The following TRPM6 variants were observed in gnomAD, a reference collection of about 807,000 sequenced individuals.
The protein encoded by TRPM6 is transient receptor potential cation channel subfamily M member 6, also known as channel kinase 2.
Under a neutral mutation model 247.6 loss-of-function variants are expected in TRPM6, and 111 were observed. The observed-to-expected ratio is 0.45, with a 90% CI of 0.38 to 0.52. TRPM6 has a LOEUF of 0.52. TRPM6 is among the 20% of genes least tolerant of loss of function. The pLI, the probability that TRPM6 is intolerant of heterozygous loss-of-function variation, is 0.00. For missense variants in TRPM6, 2,126 were observed against 2,421.5 expected, an observed-to-expected ratio of 0.88 and a Z score of 2.56; for synonymous variants, 892 against 853.8, an observed-to-expected ratio of 1.04 and a Z score of -0.78.
At chr9:74,799,291 T>A (rs1564019901) in intron 17 of TRPM6, among the ~76,000 whole-genome samples, 1 of 152,180 alleles carries the variant, frequency 6.6e-6, no homozygotes, top group East Asian at 1.9e-4. Context: ...TAGTTCTTAA[T>A]AGTCACTCTT....
chr9:74,759,696 A>G (rs1012465874), intron 27 of TRPM6, among the ~76,000 whole-genome samples: 1 of 152,146 alleles, frequency 6.6e-6, no homozygotes, highest in Non-Finnish European at 1.5e-5. Context: ...AAACATGAGA[A>G]TAAGTCTTAG....
At chr9:74,766,282 G>T (rs908197636) in intron 25 of TRPM6, among the ~76,000 whole-genome samples, 1 of 152,156 alleles carries the variant, frequency 6.6e-6, no homozygotes, top group African/African-American at 2.4e-5. Flanking sequence ...TTGATGTCCC[G>T]TGAAACATAT....
intron 25 of TRPM6, among the ~76,000 whole-genome samples, chr9:74,766,160 C>T (rs1826818832): frequency 6.6e-6 from 1 of 152,164 alleles, no homozygotes; most frequent in East Asian, 1.9e-4. Flanking sequence ...ACAATAGAAA[C>T]CAGCAACTAT....
chr9:74,782,626 C>T, intron 22 of TRPM6, 53 bp downstream of exon 22: 1 of 1,590,820 alleles, frequency 6.3e-7, no homozygotes. Context: ...GTATTTTACT[C>T]TTGTTAACTA....
At chr9:74,740,657 T>G (rs949837345) in intron 33 of TRPM6, among the ~76,000 whole-genome samples, 1 of 152,206 alleles carries the variant, frequency 6.6e-6, no homozygotes, top group Non-Finnish European at 1.5e-5. Context: ...GTTTTGACAG[T>G]GTCTTGACTC....
At chr9:74,832,880 GTC>G (rs2118114383) in intron 6 of TRPM6, among the ~76,000 whole-genome samples, 1 of 152,094 alleles carries the variant, frequency 6.6e-6, no homozygotes, top group South Asian at 2.1e-4. Context: ...GTGAAACCCT[GTC>G]TCTACTAAAA....
At chr9:74,726,907 G>A (rs909670745) in intron 38 of TRPM6, among the ~76,000 whole-genome samples, 5 of 152,190 alleles carry the variant, frequency 3.3e-5, no homozygotes, top group African/African-American at 1.2e-4. Context: ...GGGCAGCTTG[G>A]CTGTGCACTA....
At chr9:74,776,736 G>C (rs568146057) in intron 23 of TRPM6, among the ~76,000 whole-genome samples, 1 of 152,232 alleles carries the variant, frequency 6.6e-6, no homozygotes, top group Middle Eastern at 3.4e-3. Context: ...CAGTTATTCT[G>C]AAACAATATA....
intron 1 of TRPM6, among the ~76,000 whole-genome samples, chr9:74,866,465 G>T (rs971274247): frequency 1.3e-5 from 2 of 151,796 alleles, no homozygotes; most frequent in Admixed American, 1.3e-4. Flanking sequence ...TGATTTTTTT[G>T]GGGGGGTTTT....
chr9:74,827,907 G>A lies in TRPM6; in HGVS notation c.712C>T (p.Leu238Phe), dbSNP rs775971639. 6.2e-7 allele frequency: 1 copy of A among 1,614,116 alleles called. No homozygotes were observed. The highest frequency in any genetic ancestry group is 2.2e-5 in the East Asian group (1 of 44,872). The change falls in exon 7 of 39, where the codon CTC becomes TTC. Residue 238 changes from leucine to phenylalanine, a missense_variant. Transcript: ENST00000360774. The part of the protein sequence containing the change: ...YQTLDNPLSK[L>F]TTLNSMHSHF... Reference sequence around the variant, plus strand: ...GAGTGCATGCTGTTGAGTGTTGTGAGCTTGCTGAGGGGGTTATCCAGAGTC... The same window carrying A: ...GAGTGCATGCTGTTGAGTGTTGTGAACTTGCTGAGGGGGTTATCCAGAGTC...
chr9:74,766,506 C>G (rs1028085870), intron 25 of TRPM6, among the ~76,000 whole-genome samples: 1 of 152,206 alleles, frequency 6.6e-6, no homozygotes, highest in African/African-American at 2.4e-5. Flanking sequence ...ACCATATTCA[C>G]TGAGTGCTCA....
intron 2 of TRPM6, among the ~76,000 whole-genome samples, chr9:74,858,286 T>C (rs11144118): frequency 0.59 from 88,973 of 152,028 alleles, 26,298 homozygotes; most frequent in East Asian, 0.78. Flanking sequence ...ACTCGGGAGG[T>C]TGAGGCAGGA....
chr9:74,792,683 A>G lies in TRPM6; in HGVS notation c.2479T>C (p.Trp827Arg). 6.2e-7 allele frequency: 1 copy of G among 1,614,088 alleles called. No homozygotes were observed. Among genetic ancestry groups the G allele is most frequent in the Non-Finnish European group, 8.5e-7 (1 of 1,179,962 alleles). Residue 827 changes from tryptophan to arginine, a missense_variant, in exon 19 of 39, where the codon TGG becomes CGG. By Grantham distance (101) the Trp-to-Arg change is moderately radical. Coordinates refer to ENST00000360774, the MANE Select transcript of TRPM6 (RefSeq NM_017662.5). ...GLESGHQHLPWTRKVYEFYSA... is the reference protein window; with the variant it reads ...GLESGHQHLPRTRKVYEFYSA... ...TAGAACTCATAGACTTTCCTGGTCC[A>G]CGGAAGGTGTTGGTGCCCACTTTCC...
rs17060497 is a variant in TRPM6, at chr9:74,796,474, T to C, written c.2391+267A>G. On this transcript the variant is annotated intron_variant, in intron 18 of 38. Coordinates refer to ENST00000360774, the MANE Select transcript of TRPM6 (RefSeq NM_017662.5). Reference sequence around the variant, plus strand: ...TTGAAGTAGAAATAGAATATTTTGCTTAATTGTGTACAGGGCTTAATTAGT... The same window carrying C: ...TTGAAGTAGAAATAGAATATTTTGCCTAATTGTGTACAGGGCTTAATTAGT... Among the ~76,000 whole-genome samples, 35,589 of 152,088 alleles carry C rather than the reference T, an allele frequency of 0.23. 4,604 individuals are homozygous for C. Among genetic ancestry groups the C allele is most frequent in the African/African-American group, 0.35 (14,304 of 41,454 alleles).
chr9:74,861,129 A>G (rs1413726698), intron 1 of TRPM6, among the ~76,000 whole-genome samples: 3 of 152,232 alleles, frequency 2.0e-5, no homozygotes, highest in Admixed American at 6.5e-5. Flanking sequence ...TTCTCCAAAC[A>G]TTTATTAAAT....
chr9:74,807,436 T>A (rs1232813656), intron 14 of TRPM6, among the ~76,000 whole-genome samples: 1 of 152,204 alleles, frequency 6.6e-6, no homozygotes, highest in African/African-American at 2.4e-5. Flanking sequence ...AGGTTGCTAA[T>A]CCATAATGGC....
chr9:74,808,733 C>T (rs893470530), intron 13 of TRPM6, among the ~76,000 whole-genome samples: 1 of 152,166 alleles, frequency 6.6e-6, no homozygotes, highest in East Asian at 1.9e-4. Context: ...ACTGCGTTGA[C>T]TACATCATAT....
intron 18 of TRPM6, among the ~76,000 whole-genome samples, chr9:74,793,370 G>A (rs1369332962): frequency 2.0e-5 from 3 of 151,858 alleles, no homozygotes; most frequent in Admixed American, 1.3e-4. Flanking sequence ...TTTTTGAGAT[G>A]AAGTCTTGCT....
intron 6 of TRPM6, among the ~76,000 whole-genome samples, chr9:74,831,346 T>C (rs1829539824): frequency 6.6e-6 from 1 of 151,960 alleles, no homozygotes; most frequent in Non-Finnish European, 1.5e-5. Context: ...AAAAATTAGC[T>C]GGGTGTGGTA....
Sources: allele counts gnomAD v4.1 joint callset (sites outside exome capture counted in the v4.1 genomes callset), GRCh38; gene constraint gnomAD v4.1.1; transcripts MANE v1.5; gene names NCBI Gene and HGNC (gene_info 2026-07-23, HGNC 2026-07-21).